Variants in ANKDD1B observed in about 807,000 individuals in gnomAD.
ANKDD1B encodes ankyrin repeat and death domain containing 1B.
Under a neutral mutation model 59.7 loss-of-function variants are expected in ANKDD1B, and 57 were observed. That is an observed-to-expected ratio of 0.95 (90% CI 0.77 to 1.19). The LOEUF (loss-of-function observed/expected upper bound fraction) is 1.19. Ranked by LOEUF, ANKDD1B falls within the 50% of genes most tolerant of loss-of-function variation. The pLI is 0.00. For missense variants in ANKDD1B, 602 were observed against 641.9 expected (o/e 0.94, Z 0.67); for synonymous variants, 216 against 239.5 (o/e 0.90, Z 0.91).
At chr5:75,662,889 G>T (rs1332587279) in intron 10 of ANKDD1B, among the ~76,000 whole-genome samples, 3 of 152,120 alleles carry the variant, frequency 2.0e-5, no homozygotes, top group East Asian at 3.9e-4. Flanking sequence ...TACCAGGGTT[G>T]CCATTATTGA....
intron 11 of ANKDD1B, among the ~76,000 whole-genome samples, chr5:75,664,699 T>C (rs1320803995): frequency 6.6e-6 from 1 of 152,220 alleles, no homozygotes; most frequent in East Asian, 1.9e-4. Flanking sequence ...TTTGGGTAGA[T>C]AAGAATAAAT....
At chr5:75,620,188 CAA>C in intron 2 of ANKDD1B, 125 bp from the exon 3 acceptor site, 1 of 581,142 alleles carries the variant, frequency 1.7e-6, no homozygotes, top group Non-Finnish European at 3.0e-6. Flanking sequence ...AAGGTAAAGG[CAA>C]AGAGTGGAGC....
At chr5:75,634,793 C>A in intron 5 of ANKDD1B, 105 bp from the exon 6 acceptor site, 1 of 682,336 alleles carries the variant, frequency 1.5e-6, no homozygotes, top group East Asian at 2.8e-5. Flanking sequence ...GAAGAAGGGC[C>A]ATCTTGGACT....
chr5:75,621,241 TCTC>T (rs1401087534), intron 3 of ANKDD1B, among the ~76,000 whole-genome samples: 1 of 152,118 alleles, frequency 6.6e-6, no homozygotes, highest in Non-Finnish European at 1.5e-5. Flanking sequence ...GGAGCTCCCT[TCTC>T]CTCTTTAGAC....
intron 9 of ANKDD1B, among the ~76,000 whole-genome samples, chr5:75,657,175 C>T (rs1293290696): frequency 1.3e-5 from 2 of 152,162 alleles, no homozygotes; most frequent in Non-Finnish European, 2.9e-5. Flanking sequence ...GGCAGAGCTT[C>T]GTGCTCACAT....
rs1773987678 is a variant in ANKDD1B, at chr5:75,625,979, G to A, written c.600+24G>A. ...AGGTGTGTTCACTTTGGTTGTGTAGGTCTTGCATACACCCCTATCAAATTT... is the reference window on the plus strand; with the variant it reads ...AGGTGTGTTCACTTTGGTTGTGTAGATCTTGCATACACCCCTATCAAATTT... On this transcript the variant is annotated intron_variant, in intron 5 of 13. Coordinates refer to ENST00000601380, the MANE Select transcript of ANKDD1B (RefSeq NM_001276713.2). The A allele has an allele frequency of 5.5e-6, 8 of 1,466,816 alleles. No homozygotes were observed. In the Middle Eastern group the frequency reaches 5.2e-4, roughly 95 times the overall value. The allele number at this position is 1,466,816 out of a possible 1,614,324, so 90.9% of individuals were successfully genotyped here. A position where few individuals can be genotyped will look rare whatever the true frequency, so the allele number is the denominator to read the frequency against.
At chr5:75,662,995 C>T (rs6884122) in intron 10 of ANKDD1B, among the ~76,000 whole-genome samples, 9,157 of 152,154 alleles carry the variant, frequency 0.06, 930 homozygotes, top group African/African-American at 0.21. Context: ...GCTGTTCAGG[C>T]TCCTGCCATC....
intron 10 of ANKDD1B, among the ~76,000 whole-genome samples, chr5:75,659,832 ACAC>A (rs1401821987): frequency 3.3e-5 from 5 of 152,144 alleles, no homozygotes; most frequent in African/African-American, 1.2e-4. Context: ...TCCTTTTTAG[ACAC>A]TGATGGCATA....
chr5:75,655,991 G>T, intron 8 of ANKDD1B, 38 bp from the exon 9 acceptor site: 2 of 962,158 alleles, frequency 2.1e-6, no homozygotes, highest in South Asian at 3.0e-5. Flanking sequence ...GTTGAAGCCA[G>T]AACCTTCTGG....
At chr5:75,616,479 A>G (rs1212675773) in intron 1 of ANKDD1B, among the ~76,000 whole-genome samples, 1 of 152,134 alleles carries the variant, frequency 6.6e-6, no homozygotes, top group Non-Finnish European at 1.5e-5. Flanking sequence ...TTTTTTACAA[A>G]CAATGCCCCC....
At chr5:75,666,655 A>C in intron 11 of ANKDD1B, 137 bp from the exon 12 acceptor site, 1 of 614,450 alleles carries the variant, frequency 1.6e-6, no homozygotes, top group Non-Finnish European at 2.8e-6. Context: ...TATATATATG[A>C]TCCAGTGACA....
At chr5:75,670,948 GTATTCA>G in intron 13 of ANKDD1B, 25 bp from the exon 14 acceptor site, 1 of 1,019,742 alleles carries the variant, frequency 9.8e-7, no homozygotes, top group Non-Finnish European at 1.3e-6. Context: ...AAAATTTTAG[GTATTCA>G]TAAATGTTAT....
chr5:75,628,982 G>T (rs1774069877), intron 5 of ANKDD1B, among the ~76,000 whole-genome samples: 1 of 152,166 alleles, frequency 6.6e-6, no homozygotes, highest in Non-Finnish European at 1.5e-5. Context: ...ATATTTACAA[G>T]AATTTGGTGG....
At chr5:75,637,477 C>T (rs945969623) in intron 7 of ANKDD1B, among the ~76,000 whole-genome samples, 2 of 152,004 alleles carry the variant, frequency 1.3e-5, no homozygotes, top group Non-Finnish European at 2.9e-5. Flanking sequence ...AACTTGATGC[C>T]TCTCCTGAGA....
In ANKDD1B at chr5:75,654,920, C is replaced by G. The variant is rs574746475; in HGVS notation, c.898-1109C>G. Among the ~76,000 whole-genome samples the G allele has an allele frequency of 5.6e-4, 85 of 152,312 alleles. 1 individual carries two copies. The highest frequency in any genetic ancestry group is 2.0e-3 in the African/African-American group (82 of 41,560). ...GATCTTCAGCCCTTGCTGTCACACC[C>G]CTGTCCACCTTCCCCTGGTGCCCCG... On this transcript the variant is annotated intron_variant, in intron 8 of 13. Transcript: ENST00000601380.
chr5:75,652,991 C>T, intron 7 of ANKDD1B, 151 bp from the exon 8 acceptor site: 1 of 637,514 alleles, frequency 1.6e-6, no homozygotes, highest in Admixed American at 2.3e-5. Context: ...GGGACCACTT[C>T]AAGTCTGTCA....
At chr5:75,662,650 A>G (rs43193) in intron 10 of ANKDD1B, among the ~76,000 whole-genome samples, 5,454 of 152,214 alleles carry the variant, frequency 0.036, 132 homozygotes, top group Non-Finnish European at 0.054. Context: ...TTCTGCTTGC[A>G]AAGCTCTATG....
At chr5:75,659,112 A>C (rs1775049243) in intron 9 of ANKDD1B, among the ~76,000 whole-genome samples, 171 bp from the exon 10 acceptor site, 1 of 152,194 alleles carries the variant, frequency 6.6e-6, no homozygotes, top group Non-Finnish European at 1.5e-5. Flanking sequence ...CTTGTTAAAC[A>C]TGTAATTTCC....
intron 11 of ANKDD1B, among the ~76,000 whole-genome samples, chr5:75,665,919 A>G (rs999203536): frequency 6.6e-6 from 1 of 152,084 alleles, no homozygotes; most frequent in African/African-American, 2.4e-5. Flanking sequence ...AAAGACAAAA[A>G]TAGAAGTCAC....
Sources: gnomAD v4.1 joint callset for allele counts (sites outside exome capture counted in the v4.1 genomes callset) on GRCh38, gnomAD v4.1.1 for gene constraint, MANE v1.5 for transcripts, NCBI Gene and HGNC (gene_info 2026-07-23, HGNC 2026-07-21) for gene names.